The following DGKI variants were observed in gnomAD, a reference collection of about 807,000 sequenced individuals.
DGKI encodes the protein diacylglycerol kinase iota, also known as DAG kinase iota.
DGKI carries 55 observed loss-of-function variants against 147.5 expected under a neutral mutation model. That is an observed-to-expected ratio of 0.37 (90% CI 0.30 to 0.47). DGKI has a LOEUF of 0.47. Ranked by LOEUF, DGKI falls within the 20% of genes least tolerant of loss-of-function variation. The pLI is 1.00. For synonymous variants in DGKI, 469 were observed against 477.1 expected (o/e 0.98, Z 0.22); for missense variants, 1,007 against 1,323.8 (o/e 0.76, Z 3.71).
rs548833201 is a variant in DGKI at position 137,596,026 on chromosome 7, A to G, written c.1311+1821T>C. On this transcript the variant is annotated intron_variant, in intron 12 of 32. Coordinates refer to ENST00000614521, the MANE Select transcript of DGKI (RefSeq NM_001321708.2). ...CAAAAAAAAAAAAAAAAAAAAAAAAAAAAAAAAGAAAGAAAGAAAAGAAAA... is the reference window on the plus strand; with the variant it reads ...CAAAAAAAAAAAAAAAAAAAAAAAAGAAAAAAAGAAAGAAAGAAAAGAAAA... Among the ~76,000 whole-genome samples, 10 of 147,976 alleles carry G rather than the reference A, an allele frequency of 6.8e-5. No homozygotes were observed. In the South Asian group the frequency reaches 1.9e-3, roughly 28 times the overall value.
rs1262088374 is a variant in DGKI, at chr7:137,388,889, T to C, written c.*2331A>G. The C allele has an allele frequency of 1.3e-5, 2 of 152,076 alleles. No individual in the cohort carries two copies. Among genetic ancestry groups the C allele is most frequent in the African/African-American group, 4.8e-5 (2 of 41,414 alleles). The allele number at this position is 152,076 out of a possible 1,614,324, so 9.4% of individuals were successfully genotyped here. ...CATCATTTTTCATAACACAGATTTA[T>C]GTCTTCAATTGGAGCTATTTAGAAA... On this transcript the variant is annotated 3_prime_UTR_variant, in exon 33 of 33. Transcript: ENST00000614521.
chr7:137,436,699 A>G (rs955558646), intron 28 of DGKI, among the ~76,000 whole-genome samples: 1 of 152,218 alleles, frequency 6.6e-6, no homozygotes, highest in African/African-American at 2.4e-5. Context: ...TACATAATAG[A>G]AAGCAAAATT....
At chr7:137,824,408 C>T (rs551826787) in intron 1 of DGKI, among the ~76,000 whole-genome samples, 6 of 151,070 alleles carry the variant, frequency 4.0e-5, no homozygotes, top group South Asian at 4.2e-4. Flanking sequence ...CCCAACTACT[C>T]GGGAGGCTGA....
chr7:137,693,688 G>T (rs564075609), intron 1 of DGKI, among the ~76,000 whole-genome samples: 1 of 152,204 alleles, frequency 6.6e-6, no homozygotes, highest in Non-Finnish European at 1.5e-5. Flanking sequence ...CTGAGTTAAT[G>T]AATGAACTTG....
chr7:137,565,941 AAC>A (rs1419012959), intron 19 of DGKI, among the ~76,000 whole-genome samples: 1 of 152,320 alleles, frequency 6.6e-6, no homozygotes, highest in East Asian at 1.9e-4. Context: ...GTCTAAAAGA[AAC>A]AGTCTTTTTT....
At chr7:137,822,986 A>C (rs1797947167) in intron 1 of DGKI, among the ~76,000 whole-genome samples, 1 of 151,830 alleles carries the variant, frequency 6.6e-6, no homozygotes, top group African/African-American at 2.4e-5. Context: ...CAGTAGATAC[A>C]TTGGCTATTT....
At chr7:137,655,641 G>A (rs1822192326) in intron 4 of DGKI, among the ~76,000 whole-genome samples, 2 of 152,202 alleles carry the variant, frequency 1.3e-5, no homozygotes, top group Admixed American at 6.5e-5. Context: ...AAGTGAAGTT[G>A]GGGCAGAAAA....
Position 137,463,547 on chromosome 7 carries a change from T to C in DGKI, c.2677A>G (p.Ile893Val), listed in dbSNP as rs371724111. The C allele has an allele frequency of 6.2e-6, 10 of 1,614,080 alleles. No homozygotes were observed. In the African/African-American group the frequency reaches 1.1e-4, roughly 17 times the overall value. Residue 893 changes from isoleucine (I) to valine (V), a missense_variant, in exon 27 of 33, where the codon ATA becomes GTA. Physicochemically the swap from Ile to Val is conservative, Grantham distance 29. Coordinates refer to ENST00000614521, the MANE Select transcript of DGKI (RefSeq NM_001321708.2). ...RMLSDSGLGM[I>V]APYYEDSDLK... Reference sequence around the variant, plus strand: ...TCTGAGTCCTCATAATAGGGAGCTATCATCCCCAGCCCACTGTCACTCAGC... The same window carrying C: ...TCTGAGTCCTCATAATAGGGAGCTACCATCCCCAGCCCACTGTCACTCAGC...
intron 27 of DGKI, among the ~76,000 whole-genome samples, chr7:137,444,639 C>G (rs1185154656): frequency 6.6e-6 from 1 of 152,170 alleles, no homozygotes. Flanking sequence ...GTCTCAGAAC[C>G]CGGGAGAAAC....
intron 1 of DGKI, among the ~76,000 whole-genome samples, chr7:137,794,886 C>T (rs1469944574): frequency 3.9e-5 from 6 of 152,226 alleles, no homozygotes; most frequent in Non-Finnish European, 7.3e-5. Flanking sequence ...CTTGGAGACA[C>T]AGATATCAAT....
chr7:137,750,370 C>T (rs965869420), intron 1 of DGKI, among the ~76,000 whole-genome samples: 1 of 152,174 alleles, frequency 6.6e-6, no homozygotes, highest in Non-Finnish European at 1.5e-5. Context: ...ATGAAGCACA[C>T]CAAAATGCAA....
At chr7:137,747,340 T>C (rs186920826) in intron 1 of DGKI, among the ~76,000 whole-genome samples, 1 of 152,294 alleles carries the variant, frequency 6.6e-6, no homozygotes, top group East Asian at 1.9e-4. Context: ...GTAACTTCAT[T>C]GTCAAGGCAG....
chr7:137,464,787 G>T (rs1229649036), intron 26 of DGKI, among the ~76,000 whole-genome samples: 1 of 152,216 alleles, frequency 6.6e-6, no homozygotes, highest in East Asian at 1.9e-4. Flanking sequence ...CATTGCAGTT[G>T]TGCTAGCCTA....
At chr7:137,461,344 G>A (rs554344869) in intron 27 of DGKI, among the ~76,000 whole-genome samples, 91 of 152,232 alleles carry the variant, frequency 6.0e-4, no homozygotes, top group Non-Finnish European at 1.2e-3. Flanking sequence ...GTTGAATGAA[G>A]ATCATTTAAT....
At chr7:137,723,551 C>G (rs1360040304) in intron 1 of DGKI, among the ~76,000 whole-genome samples, 1 of 152,076 alleles carries the variant, frequency 6.6e-6, no homozygotes, top group African/African-American at 2.4e-5. Flanking sequence ...AACAATGCCC[C>G]CGCTTGAGAT....
At chr7:137,496,858 T>C (rs1241369997) in intron 21 of DGKI, among the ~76,000 whole-genome samples, 2 of 152,080 alleles carry the variant, frequency 1.3e-5, no homozygotes, top group Non-Finnish European at 2.9e-5. Flanking sequence ...AATGATAACC[T>C]AGGAAATATC....
At chr7:137,403,502 C>G (rs1419969119) in intron 30 of DGKI, among the ~76,000 whole-genome samples, 1 of 152,108 alleles carries the variant, frequency 6.6e-6, no homozygotes, top group Non-Finnish European at 1.5e-5. Flanking sequence ...GGCCCACACT[C>G]CTGACCAGAG....
intron 30 of DGKI, among the ~76,000 whole-genome samples, chr7:137,401,775 C>G (rs944636997): frequency 6.6e-6 from 1 of 152,092 alleles, no homozygotes; most frequent in Non-Finnish European, 1.5e-5. Flanking sequence ...TTTGGCTGAC[C>G]TGAACCAGAA....
chr7:137,710,061 G>A (rs1337054449), intron 1 of DGKI, among the ~76,000 whole-genome samples: 5 of 151,554 alleles, frequency 3.3e-5, no homozygotes, highest in Non-Finnish European at 7.4e-5. Context: ...GTTTATTAGA[G>A]ATTCAAAAAA....
Sources: allele counts gnomAD v4.1 joint callset (sites outside exome capture counted in the v4.1 genomes callset), GRCh38; gene constraint gnomAD v4.1.1; transcripts MANE v1.5; gene names NCBI Gene and HGNC (gene_info 2026-07-23, HGNC 2026-07-21).